The following SERGEF variants were observed in gnomAD, a reference collection of about 807,000 sequenced individuals.
SERGEF encodes secretion regulating guanine nucleotide exchange factor.
SERGEF carries 51 observed loss-of-function variants against 50.0 expected under a neutral mutation model. The observed-to-expected ratio is 1.02, with a 90% confidence interval of 0.81 to 1.29. SERGEF has a LOEUF of 1.29. Ranked by LOEUF, SERGEF falls within the 50% of genes most tolerant of loss-of-function variation. The probability of loss-of-function intolerance (pLI) is 0.00; values close to 1 mark genes in which losing one functional copy is unlikely to be tolerated. For missense variants in SERGEF, 521 were observed against 557.0 expected (o/e 0.94, Z 0.65); for synonymous variants, 205 against 212.4 (o/e 0.97, Z 0.30).
chr11:17,843,603 T>C (rs1386040023), intron 10 of SERGEF, among the ~76,000 whole-genome samples: 6 of 152,218 alleles, frequency 3.9e-5, no homozygotes, highest in Non-Finnish European at 8.8e-5. Flanking sequence ...TGACTGAGGA[T>C]GCAGGAAACA....
chr11:17,995,430 C>T (rs1853816412), intron 6 of SERGEF, among the ~76,000 whole-genome samples: 1 of 152,126 alleles, frequency 6.6e-6, no homozygotes, highest in African/African-American at 2.4e-5. Flanking sequence ...ATACAAGTAC[C>T]CCGGTGCTTG....
At chr11:17,859,341 A>C (rs986125897) in intron 10 of SERGEF, among the ~76,000 whole-genome samples, 6 of 152,158 alleles carry the variant, frequency 3.9e-5, no homozygotes, top group Non-Finnish European at 7.3e-5. Flanking sequence ...TAATAGCTGA[A>C]TAAAAGTTCC....
intron 9 of SERGEF, among the ~76,000 whole-genome samples, chr11:17,938,669 T>C (rs1459449463): frequency 6.6e-6 from 1 of 152,170 alleles, no homozygotes. Flanking sequence ...TGAGGAAATA[T>C]GAAGTTCATA....
chr11:17,823,361 T>G (rs577181358), intron 10 of SERGEF, among the ~76,000 whole-genome samples: 2 of 152,140 alleles, frequency 1.3e-5, no homozygotes, highest in Non-Finnish European at 2.9e-5. Context: ...TTTGCCAGGT[T>G]TCTCCACTGT....
At chr11:17,857,430 C>T (rs1850841552) in intron 10 of SERGEF, among the ~76,000 whole-genome samples, 2 of 152,228 alleles carry the variant, frequency 1.3e-5, no homozygotes, top group Non-Finnish European at 2.9e-5. Flanking sequence ...CCCTCCCAGA[C>T]TAGAAGCATA....
At chr11:17,998,957 G>A (rs758803948) in intron 5 of SERGEF, among the ~76,000 whole-genome samples, 11 of 152,002 alleles carry the variant, frequency 7.2e-5, no homozygotes, top group East Asian at 3.9e-4. Flanking sequence ...ATTTTGTTAC[G>A]GCAGCCCTAA....
intron 10 of SERGEF, among the ~76,000 whole-genome samples, chr11:17,789,690 C>A (rs1297898407): frequency 6.6e-6 from 1 of 152,196 alleles, no homozygotes; most frequent in Non-Finnish European, 1.5e-5. Context: ...TTGCCCTTGC[C>A]ACTACTAGGA....
At chr11:17,910,165 C>A (rs1282185304) in intron 9 of SERGEF, among the ~76,000 whole-genome samples, 1 of 142,334 alleles carries the variant, frequency 7.0e-6, no homozygotes, top group Non-Finnish European at 1.5e-5. Context: ...GAACCATTTG[C>A]CACCTACACA....
chr11:17,825,344 C>A (rs937798242), intron 10 of SERGEF, among the ~76,000 whole-genome samples: 1 of 152,104 alleles, frequency 6.6e-6, no homozygotes, highest in Non-Finnish European at 1.5e-5. Flanking sequence ...AAATGCCAGC[C>A]CTAGGAGCTT....
chr11:17,865,617 A>G (rs1459623245), intron 10 of SERGEF, among the ~76,000 whole-genome samples: 1 of 152,126 alleles, frequency 6.6e-6, no homozygotes, highest in Non-Finnish European at 1.5e-5. Flanking sequence ...AAAGTTTAAA[A>G]AGCAAAATAA....
chr11:17,790,536 T>C (rs1043114507), intron 10 of SERGEF, among the ~76,000 whole-genome samples: 2 of 152,188 alleles, frequency 1.3e-5, no homozygotes, highest in South Asian at 2.1e-4. Context: ...TGTTTTATTA[T>C]ATAACAATGG....
intron 10 of SERGEF, among the ~76,000 whole-genome samples, chr11:17,851,357 T>A (rs1850709664): frequency 6.6e-6 from 1 of 152,158 alleles, no homozygotes; most frequent in Admixed American, 6.5e-5. Context: ...TGAAACCACA[T>A]TCCTACTTAC....
At position 18,013,022 on chromosome 11, in the gene SERGEF, C is replaced by G. The variant is rs887813508; in HGVS notation, c.-12G>C. ...GGCTCGCGCTCCATGCGAGGACGCT[C>G]CGCCGGCGCTTCCGGGAGGGACGGC... On this transcript the variant is annotated 5_prime_UTR_variant, in exon 1 of 11. Coordinates refer to ENST00000265965, the MANE Select transcript of SERGEF (RefSeq NM_012139.4). The surrounding 1 kb of genome is among the most constrained non-coding windows in gnomAD (Gnocchi z 4.3). 4 of 1,370,054 alleles carry G rather than the reference C, an allele frequency of 2.9e-6. No homozygotes were observed. In the East Asian group the frequency reaches 1.2e-4, roughly 42 times the overall value. The allele number at this position is 1,370,054 out of a possible 1,614,324, so 84.9% of individuals were successfully genotyped here.
chr11:17,933,182 T>A (rs1264654426), intron 9 of SERGEF, among the ~76,000 whole-genome samples: 1 of 152,086 alleles, frequency 6.6e-6, no homozygotes, highest in Admixed American at 6.6e-5. Context: ...GTTCTACAGG[T>A]CACTAAGGAA....
chr11:17,971,702 T>G (rs566649665), intron 8 of SERGEF, among the ~76,000 whole-genome samples: 1 of 152,336 alleles, frequency 6.6e-6, no homozygotes, highest in East Asian at 1.9e-4. Flanking sequence ...ACAACATCCA[T>G]CCTGCAGTCC....
intron 10 of SERGEF, among the ~76,000 whole-genome samples, chr11:17,797,126 A>G (rs1483073585): frequency 2.0e-5 from 3 of 152,212 alleles, no homozygotes; most frequent in Non-Finnish European, 4.4e-5. Flanking sequence ...GGGCTGCCCA[A>G]CTGGTCTCTC....
chr11:17,820,292 C>A (rs989926358), intron 10 of SERGEF, among the ~76,000 whole-genome samples: 1 of 152,014 alleles, frequency 6.6e-6, no homozygotes, highest in Non-Finnish European at 1.5e-5. Flanking sequence ...AGCCTGCTCT[C>A]GATCCTCTAA....
intron 8 of SERGEF, among the ~76,000 whole-genome samples, chr11:17,980,338 T>C (rs1853471591): frequency 6.6e-6 from 1 of 152,150 alleles, no homozygotes; most frequent in Non-Finnish European, 1.5e-5. Flanking sequence ...CTAAAGTATC[T>C]TGCCTCTCTT....
At chr11:17,827,989 G>A (rs1483117350) in intron 10 of SERGEF, among the ~76,000 whole-genome samples, 3 of 152,230 alleles carry the variant, frequency 2.0e-5, no homozygotes, top group Non-Finnish European at 2.9e-5. Context: ...AAAAAGGCCT[G>A]TGATGCAGCA....
Sources: allele counts gnomAD v4.1 joint callset (sites outside exome capture counted in the v4.1 genomes callset), GRCh38; gene constraint gnomAD v4.1.1; non-coding constraint Gnocchi (gnomAD v3.1); transcripts MANE v1.5; gene names NCBI Gene and HGNC (gene_info 2026-07-23, HGNC 2026-07-21).